DUOX1: variants seen among roughly 807,000 people sequenced by gnomAD.
DUOX1 encodes dual oxidase 1.
DUOX1 carries 134 observed loss-of-function variants against 181.8 expected under a neutral mutation model. That is an observed-to-expected ratio of 0.74 (90% confidence interval 0.64 to 0.85). The LOEUF is 0.85. Among genes scored for constraint, DUOX1 ranks in the 40% least tolerant of loss-of-function variants. The pLI, the probability that DUOX1 is intolerant of heterozygous loss-of-function variation, is 0.00. For missense variants in DUOX1, 1,814 were observed against 2,064.4 expected (o/e 0.88, Z 2.35); for synonymous variants, 798 against 832.5 (o/e 0.96, Z 0.71).
rs748162336 is a variant in DUOX1, at chr15:45,137,360, C to CAAAA, written c.1023-543_1023-540dup. Among the ~76,000 whole-genome samples the CAAAA allele has an allele frequency of 4.7e-3, 217 of 46,406 alleles. 17 individuals are homozygous for CAAAA. In the East Asian group the frequency reaches 0.061, roughly 13 times the overall value. 30.4% of individuals were successfully genotyped at this position (46,406 alleles called of 152,430 possible). A position where few individuals can be genotyped will look rare whatever the true frequency, so the allele number is the denominator to read the frequency against. ...GGACAACAAGAGTGAAACTCCATCT[C>CAAAA]AAAAAAAAAAAAAAAAAAAAAAAAG... On this transcript the variant is annotated intron_variant, in intron 9 of 33. Coordinates refer to ENST00000389037, the MANE Select transcript of DUOX1 (RefSeq NM_175940.3).
Position 45,161,947 on chromosome 15 carries a change from G to C in DUOX1, c.4066G>C (p.Asp1356His). The C allele has an allele frequency of 1.2e-6, 2 of 1,613,280 alleles. No individual in the cohort carries two copies. Among genetic ancestry groups the C allele is most frequent in the Non-Finnish European group, 1.7e-6 (2 of 1,179,652 alleles). ...GGAGATCTACTCAGCCCCGACGGGT[G>C]ACAGATGTGCCAGATACCCAAAGGT... ...LREIYSAPTG[D>H]RCARYPKLYL... Residue 1356 changes from aspartate to histidine, a missense_variant, in exon 30 of 34, where the codon GAC becomes CAC. Physicochemically the swap from Asp to His is moderately conservative, Grantham distance 81. Coordinates refer to ENST00000389037, the MANE Select transcript of DUOX1 (RefSeq NM_175940.3).
chr15:45,163,655 G>A lies in DUOX1; in HGVS notation c.4372G>A (p.Ala1458Thr). Residue 1458 changes from alanine to threonine, a missense_variant, in exon 32 of 34, where the codon GCT (alanine) becomes ACT (threonine). Transcript: ENST00000389037. ...TGTGCACATCTACATCACCCAGCTG[G>A]CTGAGAAGTTCGACCTCAGGACCAC... ...VSVHIYITQL[A>T]EKFDLRTTML... 6.2e-7 allele frequency: 1 copy of A among 1,614,168 alleles called. No homozygotes were observed. The highest frequency in any genetic ancestry group is 1.6e-4 in the Middle Eastern group (1 of 6,062).
rs770978555 is a variant in DUOX1 at position 45,161,943 on chromosome 15, G to A, written c.4062G>A (p.Thr1354=). 1.1e-5 allele frequency: 17 copies of A among 1,613,432 alleles called. No homozygotes were observed. The highest frequency in any genetic ancestry group is 1.0e-4 in the Admixed American group (6 of 59,900). Reference sequence around the variant, plus strand: ...TCAGGGAGATCTACTCAGCCCCGACGGGTGACAGATGTGCCAGATACCCAA... The same window carrying A: ...TCAGGGAGATCTACTCAGCCCCGACAGGTGACAGATGTGCCAGATACCCAA... ...TRLREIYSAP[T]GDRCARYPKL... is the part of the protein sequence containing the mutation. The change falls in exon 30 of 34, where the codon ACG becomes ACA. Residue 1354 remains threonine, a synonymous_variant. Coordinates refer to ENST00000389037, the MANE Select transcript of DUOX1 (RefSeq NM_175940.3).
In DUOX1 at chr15:45,154,024, A is replaced by G. The variant is rs566450905; in HGVS notation, c.3574+24A>G. The G allele has an allele frequency of 3.1e-6, 5 of 1,611,642 alleles. 1 individual carries two copies. The South Asian group carries it at 5.5e-5, about 18-fold the overall frequency. Reference sequence around the variant, plus strand: ...AGGTGAGAACCCTCCTTGATCCATGAATTTCTGGACCTGACTGTGAGTTCA... The same window carrying G: ...AGGTGAGAACCCTCCTTGATCCATGGATTTCTGGACCTGACTGTGAGTTCA... On this transcript the variant is annotated intron_variant, in intron 27 of 33. Coordinates refer to ENST00000389037, the MANE Select transcript of DUOX1 (RefSeq NM_175940.3).
rs752966307 is a variant in DUOX1, at chr15:45,144,946, C to T, written c.2188C>T (p.Arg730Trp). The stretch of plus-strand genomic sequence containing the variant: ...GCGGCAGGCGCTGGTGGAAAATCTC[C>T]GGGGAGCTCTGAAGGAGAGCGGGTT... ...EERQALVENLRGALKESGLSI... is the reference protein window; with the variant it reads ...EERQALVENLWGALKESGLSI... Residue 730 changes from arginine (R) to tryptophan (W), a missense_variant, in exon 18 of 34, where the codon CGG becomes TGG. Around this residue, in one of 5 missense-constraint regions of DUOX1, gnomAD observed 1,064 missense variants for 1,152.9 expected, o/e 0.92. Transcript: ENST00000389037. 1.5e-5 allele frequency: 25 copies of T among 1,613,350 alleles called. No individual in the cohort carries two copies. Among genetic ancestry groups the T allele is most frequent in the Non-Finnish European group, 2.1e-5 (25 of 1,179,836 alleles).
At chr15:45,152,838 C>A (rs1896851670) in intron 25 of DUOX1, 1 of 466,340 alleles carries the variant, frequency 2.1e-6, no homozygotes, top group Admixed American at 3.6e-5. Flanking sequence ...AAGGAGTGAA[C>A]TTCTAATGCT....
At chr15:45,144,404 G>A (rs1014410706) in intron 17 of DUOX1, among the ~76,000 whole-genome samples, 169 bp downstream of exon 17, 2 of 152,208 alleles carry the variant, frequency 1.3e-5, no homozygotes, top group East Asian at 1.9e-4. Flanking sequence ...ACTTGGACAC[G>A]TTTATCCTGC....
In DUOX1 at chr15:45,131,214, G is replaced by C. The variant is rs148284510; in HGVS notation, c.-49-704G>C. Among the ~76,000 whole-genome samples the C allele has an allele frequency of 9.4e-4, 143 of 152,248 alleles. 2 individuals are homozygous for C. In the Middle Eastern group the frequency reaches 0.017, roughly 18 times the overall value. ...TCCTTACTCGCACTCAGGAGTCCCA[G>C]CCTGAGTCCTCTGCTGCCTCTGTTT... On this transcript the variant is annotated intron_variant, in intron 1 of 33. Coordinates refer to ENST00000389037, the MANE Select transcript of DUOX1 (RefSeq NM_175940.3).
chr15:45,153,010 C>T (rs921510885), intron 25 of DUOX1: 4 of 298,266 alleles, frequency 1.3e-5, no homozygotes, highest in African/African-American at 8.7e-5. Flanking sequence ...CACTTGAGGT[C>T]AGGAGTTCGA....
At chr15:45,141,882 C>T in intron 14 of DUOX1, 93 bp from the exon 15 acceptor site, 17 of 1,461,848 alleles carry the variant, frequency 1.2e-5, no homozygotes, top group Non-Finnish European at 1.4e-5. Context: ...CAGAGTGCCC[C>T]CACCCCCTTT....
At chr15:45,140,064 C>A (rs549619094) in intron 12 of DUOX1, 106 of 1,373,828 alleles carry the variant, frequency 7.7e-5, no homozygotes, top group Non-Finnish European at 9.3e-5. Context: ...TCCTGGTGTT[C>A]TCAAACCAGT....
At chr15:45,159,300 T>G (rs1443379599) in intron 28 of DUOX1, among the ~76,000 whole-genome samples, 2 of 152,160 alleles carry the variant, frequency 1.3e-5, no homozygotes, top group African/African-American at 4.8e-5. Context: ...AAACCAGGCT[T>G]GGGCAACACC....
At chr15:45,150,982 G>A (rs1896786515) in intron 22 of DUOX1, 141 bp from the exon 23 acceptor site, 3 of 1,231,668 alleles carry the variant, frequency 2.4e-6, no homozygotes, top group Non-Finnish European at 2.3e-6. Flanking sequence ...TCTGTCTATA[G>A]GTGACTGTGG....
intron 12 of DUOX1, chr15:45,140,076 G>A: frequency 7.3e-7 from 1 of 1,369,348 alleles, no homozygotes; most frequent in African/African-American, 1.5e-5. Context: ...CAAACCAGTA[G>A]CGGTCACCAT....
In DUOX1 at chr15:45,165,323, C is replaced by A. The variant is rs949524187; in HGVS notation, c.*422C>A. 19 of 163,880 alleles carry A rather than the reference C, an allele frequency of 1.2e-4. No individual in the cohort carries two copies. The East Asian group carries it at 3.4e-3, about 30-fold the overall frequency. 10.2% of individuals were successfully genotyped at this position (163,880 alleles called of 1,614,324 possible). ...TCTTAGAACCCTCCCTACTCCCATA[C>A]CTCCTCCTCTTCTGGGCTCCCCACT... On this transcript the variant is annotated 3_prime_UTR_variant, in exon 34 of 34. Transcript: ENST00000389037.
intron 4 of DUOX1, 56 bp from the exon 5 acceptor site, chr15:45,135,048 T>A (rs558186834): frequency 1.1e-4 from 169 of 1,584,828 alleles, no homozygotes; most frequent in Middle Eastern, 1.7e-4. Context: ...ATACCTAGGG[T>A]AAGAAGGAAA....
Position 45,139,092 on chromosome 15 carries a change from T to A in DUOX1, c.1140T>A (p.Asp380Glu), listed in dbSNP as rs891327928. 3.5e-5 allele frequency: 56 copies of A among 1,613,972 alleles called. No homozygotes were observed. Among genetic ancestry groups the A allele is most frequent in the Non-Finnish European group, 4.6e-5 (54 of 1,180,012 alleles). The change falls in exon 11 of 34, where the codon GAT becomes GAA. Residue 380 changes from aspartate (D) to glutamate (E), a missense_variant. This residue lies in a region of DUOX1 where 1,064 missense variants were observed against 1,152.9 expected (regional missense o/e 0.92). Transcript: ENST00000389037. Reference protein sequence around the residue: ...REHPSLQSAEDVDALLLGMAS... With the variant: ...REHPSLQSAEEVDALLLGMAS... ...ACCCAAGCCTACAAAGTGCTGAAGA[T>A]GTGGATGCACTGCTGCTGGGCATGG...
At chr15:45,140,649 T>C (rs1896465730) in intron 12 of DUOX1, 3 of 413,200 alleles carry the variant, frequency 7.3e-6, no homozygotes, top group Admixed American at 3.9e-5. Flanking sequence ...TGAATGCGGA[T>C]TGGCTGGCTG....
At position 45,154,014 on chromosome 15, in the gene DUOX1, T is replaced by C; in HGVS notation, c.3574+14T>C. 2 of 1,613,160 alleles carry C rather than the reference T, an allele frequency of 1.2e-6. No individual in the cohort carries two copies. The highest frequency in any genetic ancestry group is 1.7e-6 in the Non-Finnish European group (2 of 1,179,128). ...AGACCGTACCAGGTGAGAACCCTCC[T>C]TGATCCATGAATTTCTGGACCTGAC... On this transcript the variant is annotated intron_variant, in intron 27 of 33. Coordinates refer to ENST00000389037, the MANE Select transcript of DUOX1 (RefSeq NM_175940.3).
Sources: gnomAD v4.1 joint callset for allele counts (sites outside exome capture counted in the v4.1 genomes callset) on GRCh38, gnomAD v4.1.1 for gene constraint, gnomAD v4.1.1 regional missense constraint, MANE v1.5 for transcripts, NCBI Gene and HGNC (gene_info 2026-07-23, HGNC 2026-07-21) for gene names.